EPSTI1: variants seen among roughly 807,000 people sequenced by gnomAD.
EPSTI1 encodes epithelial-stromal interaction protein 1.
EPSTI1 carries 66 observed loss-of-function variants against 49.9 expected under a neutral mutation model. The ratio of observed to expected loss-of-function variants is 1.32; its 90% CI spans 1.08 to 1.62. EPSTI1 has a LOEUF of 1.62. EPSTI1 is among the 40% of genes most tolerant of loss of function. The probability of loss-of-function intolerance (pLI) is 0.00; values close to 1 mark genes in which losing one functional copy is unlikely to be tolerated. For synonymous variants in EPSTI1, 137 were observed against 130.7 expected (o/e 1.05, Z -0.33); for missense variants, 394 against 365.5 (o/e 1.08, Z -0.64).
At chr13:42,904,555 T>C (rs2037445588) in intron 8 of EPSTI1, among the ~76,000 whole-genome samples, 1 of 152,174 alleles carries the variant, frequency 6.6e-6, no homozygotes, top group Non-Finnish European at 1.5e-5. Flanking sequence ...TGTTCAAAGA[T>C]GTATGTATAT....
chr13:42,974,799 C>T (rs2039849406), intron 1 of EPSTI1, among the ~76,000 whole-genome samples: 1 of 152,138 alleles, frequency 6.6e-6, no homozygotes, highest in Admixed American at 6.5e-5. Context: ...TCAAAAATAT[C>T]TTGGCTGGCT....
intron 1 of EPSTI1, among the ~76,000 whole-genome samples, chr13:42,977,434 T>A (rs746987686): frequency 6.6e-6 from 1 of 152,226 alleles, no homozygotes; most frequent in Non-Finnish European, 1.5e-5. Context: ...TTTGAGAAAT[T>A]GAGACATAAG....
chr13:42,890,540 C>T (rs975859115), intron 10 of EPSTI1, among the ~76,000 whole-genome samples: 1 of 152,058 alleles, frequency 6.6e-6, no homozygotes, highest in Non-Finnish European at 1.5e-5. Flanking sequence ...CCTCGTGATC[C>T]GCCCACCTCG....
chr13:42,896,069 G>A (rs1227899861), intron 9 of EPSTI1, among the ~76,000 whole-genome samples: 1 of 152,200 alleles, frequency 6.6e-6, no homozygotes, highest in African/African-American at 2.4e-5. Context: ...GTAGCAAAGT[G>A]AAAGGCTGGA....
At chr13:42,938,966 T>C (rs1480444656) in intron 6 of EPSTI1, among the ~76,000 whole-genome samples, 3 of 147,228 alleles carry the variant, frequency 2.0e-5, no homozygotes, top group Non-Finnish European at 4.5e-5. Flanking sequence ...TCATCAATGA[T>C]CTTAACTAGA....
At chr13:42,978,472 T>C (rs554116007) in intron 1 of EPSTI1, among the ~76,000 whole-genome samples, 4 of 152,330 alleles carry the variant, frequency 2.6e-5, no homozygotes, top group African/African-American at 9.6e-5. Context: ...TGCATTTATC[T>C]CAGTGAGCAG....
At chr13:42,904,518 G>GT (rs2037444035) in intron 8 of EPSTI1, among the ~76,000 whole-genome samples, 1 of 152,158 alleles carries the variant, frequency 6.6e-6, no homozygotes, top group Non-Finnish European at 1.5e-5. Context: ...GCATCAAAAC[G>GT]TAAGACGTAT....
At chr13:42,936,415 A>G (rs750530571) in intron 6 of EPSTI1, among the ~76,000 whole-genome samples, 1 of 152,194 alleles carries the variant, frequency 6.6e-6, no homozygotes, top group Non-Finnish European at 1.5e-5. Context: ...TACCCAAATC[A>G]TTTATGTCAA....
At chr13:42,911,083 T>C (rs2037658219) in intron 8 of EPSTI1, among the ~76,000 whole-genome samples, 1 of 152,248 alleles carries the variant, frequency 6.6e-6, no homozygotes, top group Non-Finnish European at 1.5e-5. Flanking sequence ...AGTTTTAATA[T>C]ATAGCTACTT....
At chr13:42,890,710 T>C (rs572289428) in intron 10 of EPSTI1, among the ~76,000 whole-genome samples, 8 of 152,316 alleles carry the variant, frequency 5.3e-5, no homozygotes, top group South Asian at 4.1e-4. Context: ...TGATCTTATA[T>C]CTACTAACAG....
chr13:42,917,707 A>AG, intron 7 of EPSTI1, 83 bp from the exon 8 acceptor site: 1 of 999,456 alleles, frequency 1.0e-6, no homozygotes, highest in Non-Finnish European at 1.5e-6. Context: ...GCTGCCTACT[A>AG]TAGGCCCGGT....
chr13:42,984,763 G>A (rs2040048670), intron 1 of EPSTI1, among the ~76,000 whole-genome samples: 1 of 152,216 alleles, frequency 6.6e-6, no homozygotes, highest in East Asian at 1.9e-4. Flanking sequence ...GGGATGAAGA[G>A]AAGGATTACA....
In EPSTI1 at chr13:42,970,656, G is replaced by A; in HGVS notation, c.203C>T (p.Thr68Ile). The A allele has an allele frequency of 6.2e-7, 1 of 1,608,548 alleles. No homozygotes were observed. The highest frequency in any genetic ancestry group is 8.5e-7 in the Non-Finnish European group (1 of 1,178,524). Reference sequence around the variant, plus strand: ...CCGGTTTATATTTGGTGCTATCAAGGTGTATGCACTTGTGCTAAAAGGAAG... The same window carrying A: ...CCGGTTTATATTTGGTGCTATCAAGATGTATGCACTTGTGCTAAAAGGAAG... ...HAGQRRTSAY[T>I]LIAPNINRRN... The change falls in exon 2 of 11, where the codon ACC becomes ATC. Residue 68 changes from threonine to isoleucine, a missense_variant. Physicochemically the swap from Thr to Ile is moderately conservative, Grantham distance 89 (BLOSUM62 -1). Transcript: ENST00000313624.
chr13:42,906,050 G>T (rs2037489507), intron 8 of EPSTI1, among the ~76,000 whole-genome samples: 1 of 152,212 alleles, frequency 6.6e-6, no homozygotes, highest in Non-Finnish European at 1.5e-5. Flanking sequence ...TGGTAAATGA[G>T]GACAACACTG....
intron 5 of EPSTI1, among the ~76,000 whole-genome samples, chr13:42,955,885 G>GGGT (rs1555266341): frequency 2.1e-5 from 3 of 142,774 alleles, no homozygotes; most frequent in African/African-American, 5.1e-5. Flanking sequence ...TTTGGGGGGG[G>GGGT]GGGGAAGTAG....
At position 42,991,925 on chromosome 13, in the gene EPSTI1, G is replaced by GT. The variant is rs566830716; in HGVS notation, c.188+52dup. The GT allele has an allele frequency of 3.4e-3, 5,419 of 1,600,974 alleles. 17 individuals are homozygous for GT. The highest frequency in any genetic ancestry group is 4.3e-3 in the Non-Finnish European group (5,032 of 1,169,508). ...CAAGGACCAAGGTGCTTGTGAGTGAGTATGTTTGGGGCCCGGGCTCCCGCC... is the reference window on the plus strand; with the variant it reads ...CAAGGACCAAGGTGCTTGTGAGTGAGTTATGTTTGGGGCCCGGGCTCCCGCC... On this transcript the variant is annotated intron_variant, in intron 1 of 10. Coordinates refer to ENST00000313624, the MANE Select transcript of EPSTI1 (RefSeq NM_033255.5).
At chr13:42,902,959 C>T (rs1204979143) in intron 8 of EPSTI1, among the ~76,000 whole-genome samples, 2 of 152,108 alleles carry the variant, frequency 1.3e-5, no homozygotes, top group East Asian at 1.9e-4. Flanking sequence ...AACTACAGGA[C>T]CCATTCACAT....
At chr13:42,989,383 C>A (rs904632877) in intron 1 of EPSTI1, among the ~76,000 whole-genome samples, 12 of 152,030 alleles carry the variant, frequency 7.9e-5, no homozygotes, top group African/African-American at 2.9e-4. Context: ...ATGGCATAAT[C>A]AGAACTTGAA....
chr13:42,953,512 C>T (rs2039165509), intron 6 of EPSTI1, among the ~76,000 whole-genome samples: 1 of 152,140 alleles, frequency 6.6e-6, no homozygotes, highest in African/African-American at 2.4e-5. Context: ...AGACTTTTGC[C>T]AATAACTACT....
Sources: gnomAD v4.1 joint callset for allele counts (sites outside exome capture counted in the v4.1 genomes callset) on GRCh38, gnomAD v4.1.1 for gene constraint, MANE v1.5 for transcripts, NCBI Gene and HGNC (gene_info 2026-07-23, HGNC 2026-07-21) for gene names.